The following NLGN2 variants were observed in gnomAD, a reference collection of about 807,000 sequenced individuals.
NLGN2 encodes neuroligin 2, also known as neuroligin-2.
NLGN2 carries 11 observed loss-of-function variants against 48.6 expected under a neutral mutation model. That is an observed-to-expected ratio of 0.23 (90% CI 0.14 to 0.37). The LOEUF (loss-of-function observed/expected upper bound fraction) is 0.37, where lower values mean the gene tolerates loss of function less well. Among genes scored for constraint, NLGN2 ranks in the 10% least tolerant of loss-of-function variants. The probability of loss-of-function intolerance (pLI) is 1.00; values close to 1 mark genes in which losing one functional copy is unlikely to be tolerated. For missense variants in NLGN2, 801 were observed against 1,225.2 expected, an observed-to-expected ratio of 0.65 and a Z score of 5.17; for synonymous variants, 548 against 550.0, an observed-to-expected ratio of 1.00 and a Z score of 0.05.
chr17:7,412,130 T>G (rs1354476817), intron 1 of NLGN2, 27 bp from the exon 2 acceptor site: 15 of 1,603,628 alleles, frequency 9.4e-6, no homozygotes, highest in Non-Finnish European at 1.3e-5. Context: ...TTGTCCTTTT[T>G]TCTCTGTTTT....
At chr17:7,409,734 C>T (rs570038396) in intron 1 of NLGN2, among the ~76,000 whole-genome samples, 124 of 152,248 alleles carry the variant, frequency 8.1e-4, no homozygotes, top group African/African-American at 2.8e-3. Context: ...AGCACCTCCA[C>T]GGCATGTGCT....
intron 6 of NLGN2, among the ~76,000 whole-genome samples, chr17:7,416,548 T>G (rs774404775): frequency 6.6e-5 from 10 of 152,164 alleles, no homozygotes; most frequent in Non-Finnish European, 1.5e-4. Flanking sequence ...TTTCTCTGGC[T>G]GCCGGCTGAT....
Position 7,415,644 on chromosome 17 carries a change from G to C in NLGN2, c.1171G>C (p.Val391Leu), listed in dbSNP as rs1304544834. 1 of 1,613,812 alleles carries C rather than the reference G, an allele frequency of 6.2e-7. No individual in the cohort carries two copies. The highest frequency in any genetic ancestry group is 1.7e-5 in the Admixed American group (1 of 60,014). Residue 391 changes from valine (V) to leucine (L), a missense_variant, in exon 6 of 7, where the codon GTG becomes CTG. By Grantham distance (32) the Val-to-Leu change is conservative. This residue lies in a region of NLGN2 where 303 missense variants were observed against 600.1 expected (regional missense o/e 0.50). Coordinates refer to ENST00000302926, the MANE Select transcript of NLGN2 (RefSeq NM_020795.4). ...GVNQGEGLKF[V>L]EDSAESEDGV... ...CAACCAGGGAGAGGGCCTCAAGTTC[G>C]TGGAGGACTCTGCAGAGAGCGAGGA...
chr17:7,417,328 C>T lies in NLGN2; in HGVS notation c.2037C>T (p.Thr679=), dbSNP rs373371274. 101 of 1,610,824 alleles carry T rather than the reference C, an allele frequency of 6.3e-5. No homozygotes were observed. The highest frequency in any genetic ancestry group is 1.7e-4 in the Middle Eastern group (1 of 6,056). The change falls in exon 7 of 7, where the codon ACC becomes ACT. Residue 679 remains threonine (T), a synonymous_variant. Transcript: ENST00000302926. The part of the protein sequence containing the change: ...SRDYSTELSV[T]VAVGASLLFL... ...ACTACTCCACGGAGCTGAGCGTCAC[C>T]GTGGCCGTGGGTGCCTCCCTCCTCT... is the stretch of plus-strand genomic sequence containing the variant.
At chr17:7,406,599 G>C (rs566965276), upstream of NLGN2, among the ~76,000 whole-genome samples, 1 of 142,418 alleles carries the variant, frequency 7.0e-6, no homozygotes, top group African/African-American at 2.6e-5. Flanking sequence ...GCGGGCTGGC[G>C]CCTGGCTCTG....
At position 7,411,345 on chromosome 17, in the gene NLGN2, G is replaced by A. The variant is rs968209767; in HGVS notation, c.458-812G>A. ...GAAGCCTGGGTAAGGGACGAGGTTG[G>A]GGGGAGTGCGGAGGGTTGAGCTGGA... On this transcript the variant is annotated intron_variant, in intron 1 of 6. Coordinates refer to ENST00000302926, the MANE Select transcript of NLGN2 (RefSeq NM_020795.4). The surrounding 1 kb of genome is among the most constrained non-coding windows in gnomAD (Gnocchi z 4.5). Among the ~76,000 whole-genome samples the A allele has an allele frequency of 6.6e-6, 1 of 152,206 alleles. No individual in the cohort carries two copies. The highest frequency in any genetic ancestry group is 1.9e-4 in the East Asian group (1 of 5,190).
chr17:7,409,349 C>A (rs1231466703), intron 1 of NLGN2, among the ~76,000 whole-genome samples: 1 of 152,072 alleles, frequency 6.6e-6, no homozygotes, highest in Non-Finnish European at 1.5e-5. Flanking sequence ...GCACAGCCCA[C>A]CCGTCTTCCC....
rs1052438214 is a variant in NLGN2, at chr17:7,411,984, G to A, written c.458-173G>A. On this transcript the variant is annotated intron_variant, in intron 1 of 6. Coordinates refer to ENST00000302926, the MANE Select transcript of NLGN2 (RefSeq NM_020795.4). The surrounding 1 kb of genome is among the most constrained non-coding windows in gnomAD (Gnocchi z 4.5). ...TGTAGAAACGTTTTTCTCTTTTCTTGGTTTCTTTTTCTTGCAAACAAATTT... is the reference window on the plus strand; with the variant it reads ...TGTAGAAACGTTTTTCTCTTTTCTTAGTTTCTTTTTCTTGCAAACAAATTT... 6.6e-6 allele frequency among the ~76,000 whole-genome samples: 1 copy of A among 151,244 alleles called. No homozygotes were observed. Among genetic ancestry groups the A allele is most frequent in the Non-Finnish European group, 1.5e-5 (1 of 67,856 alleles).
chr17:7,410,076 A>G (rs929563923), intron 1 of NLGN2, among the ~76,000 whole-genome samples: 18 of 151,974 alleles, frequency 1.2e-4, no homozygotes, highest in Admixed American at 4.6e-4. Context: ...ACTCCTACCT[A>G]GAGATCATCT....
upstream of NLGN2, among the ~76,000 whole-genome samples, chr17:7,407,489 G>A (rs1166377151): frequency 6.6e-6 from 1 of 152,170 alleles, no homozygotes; most frequent in Non-Finnish European, 1.5e-5. Context: ...GCCTGGGGTG[G>A]GGGTTCAGCG....
rs769016651 is a variant in NLGN2, at chr17:7,414,767, G to A, written c.763G>A (p.Asp255Asn). Residue 255 changes from aspartate to asparagine, a missense_variant, in exon 4 of 7, where the codon GAC becomes AAC. Asp to Asn is a conservative substitution (Grantham distance 23). Coordinates refer to ENST00000302926, the MANE Select transcript of NLGN2 (RefSeq NM_020795.4). ...TGAAAACATCGCCCACTTTGGGGGC[G>A]ACCCCGAGCGTATCACCATCTTTGG... ...LSENIAHFGG[D>N]PERITIFGSG... 6 of 1,613,900 alleles carry A rather than the reference G, an allele frequency of 3.7e-6. No homozygotes were observed. Among genetic ancestry groups the A allele is most frequent in the South Asian group, 2.2e-5 (2 of 91,068 alleles).
In NLGN2 at chr17:7,411,351, G is replaced by T. The variant is rs1906883338; in HGVS notation, c.458-806G>T. On this transcript the variant is annotated intron_variant, in intron 1 of 6. Coordinates refer to ENST00000302926, the MANE Select transcript of NLGN2 (RefSeq NM_020795.4). The surrounding 1 kb of genome is among the most constrained non-coding windows in gnomAD (Gnocchi z 4.5). Reference sequence around the variant, plus strand: ...TGGGTAAGGGACGAGGTTGGGGGGAGTGCGGAGGGTTGAGCTGGAGCGGAG... The same window carrying T: ...TGGGTAAGGGACGAGGTTGGGGGGATTGCGGAGGGTTGAGCTGGAGCGGAG... Among the ~76,000 whole-genome samples the T allele has an allele frequency of 1.3e-5, 2 of 152,216 alleles. No individual in the cohort carries two copies. Among genetic ancestry groups the T allele is most frequent in the South Asian group, 4.1e-4 (2 of 4,830 alleles).
Position 7,416,046 on chromosome 17 carries a change from A to G in NLGN2, c.1573A>G (p.Lys525Glu). Reference protein sequence around the residue: ...ATDLFPCNFSKNDVMLSAVVM... With the variant: ...ATDLFPCNFSENDVMLSAVVM... ...CGACCTCTTCCCCTGTAACTTCTCC[A>G]AGAATGACGTCATGCTCAGTGCCGT... Residue 525 changes from lysine (K) to glutamate (E), a missense_variant, in exon 6 of 7, where the codon AAG becomes GAG. Physicochemically the swap from Lys to Glu is moderately conservative, Grantham distance 56. Transcript: ENST00000302926. 5 of 1,614,014 alleles carry G rather than the reference A, an allele frequency of 3.1e-6. No homozygotes were observed. Among genetic ancestry groups the G allele is most frequent in the Non-Finnish European group, 3.4e-6 (4 of 1,180,000 alleles).
At position 7,414,719 on chromosome 17, in the gene NLGN2, A is replaced by G; in HGVS notation, c.715A>G (p.Ile239Val). The change falls in exon 4 of 7, where the codon ATC (isoleucine) becomes GTC (valine). Residue 239 changes from isoleucine (I) to valine (V), a missense_variant. Transcript: ENST00000302926. ...AGGCAACTATGGGCTCCTGGACCAGATCCAGGCCCTGCGCTGGCTCAGTGA... is the reference window on the plus strand; with the variant it reads ...AGGCAACTATGGGCTCCTGGACCAGGTCCAGGCCCTGCGCTGGCTCAGTGA... ...AKGNYGLLDQ[I>V]QALRWLSENI... 1 of 1,614,100 alleles carries G rather than the reference A, an allele frequency of 6.2e-7. No individual in the cohort carries two copies. Among genetic ancestry groups the G allele is most frequent in the Non-Finnish European group, 8.5e-7 (1 of 1,180,002 alleles).
At chr17:7,407,298 G>T (rs984112782), upstream of NLGN2, among the ~76,000 whole-genome samples, 7 of 152,148 alleles carry the variant, frequency 4.6e-5, no homozygotes, top group African/African-American at 1.7e-4. Context: ...CCCTGGATTT[G>T]CCCCTCCAGC....
At chr17:7,414,641 C>T (rs1276268030) in intron 3 of NLGN2, 22 bp from the exon 4 acceptor site, 1 of 1,613,250 alleles carries the variant, frequency 6.2e-7, no homozygotes, top group East Asian at 2.2e-5. Context: ...CTCCAGGGAG[C>T]CCTCTTCTTC....
intron 1 of NLGN2, among the ~76,000 whole-genome samples, chr17:7,410,589 G>A (rs1906841476): frequency 6.6e-6 from 1 of 152,072 alleles, no homozygotes; most frequent in African/African-American, 2.4e-5. Context: ...CCTCATGGGT[G>A]CTGTCTCGTC....
Position 7,408,915 on chromosome 17 carries a change from A to G in NLGN2, c.457+203A>G, listed in dbSNP as rs1271260939. Among the ~76,000 whole-genome samples, 1 of 152,132 alleles carries G rather than the reference A, an allele frequency of 6.6e-6. No homozygotes were observed. The highest frequency in any genetic ancestry group is 1.5e-5 in the Non-Finnish European group (1 of 68,000). ...GCAGTCCCAGGCACACACTCTGCAG[A>G]CAGCCTCTCCATAAGTTCTTTACGC... On this transcript the variant is annotated intron_variant, in intron 1 of 6. Transcript: ENST00000302926. This position sits in a 1 kb window ranked among gnomAD's most constrained non-coding sequence, Gnocchi z 7.5.
chr17:7,415,169 G>T (rs765189670), intron 5 of NLGN2, 21 bp downstream of exon 5: 2 of 1,573,550 alleles, frequency 1.3e-6, no homozygotes, highest in South Asian at 2.3e-5. Context: ...GGAGAGGGCT[G>T]GGTCCAGGCC....
Sources: allele counts gnomAD v4.1 joint callset (sites outside exome capture counted in the v4.1 genomes callset), GRCh38; gene constraint gnomAD v4.1.1; regional missense constraint gnomAD v4.1.1; non-coding constraint Gnocchi (gnomAD v3.1); transcripts MANE v1.5; gene names NCBI Gene and HGNC (gene_info 2026-07-23, HGNC 2026-07-21).